Variants in PCDH15 observed in about 807,000 individuals in gnomAD.
PCDH15 encodes protocadherin-15.
PCDH15 carries 129 observed loss-of-function variants against 178.5 expected under a neutral mutation model. That is an observed-to-expected ratio of 0.72 (90% CI 0.63 to 0.84). The LOEUF (loss-of-function observed/expected upper bound fraction) is 0.84, where lower values mean the gene tolerates loss of function less well. PCDH15 is among the 40% of genes least tolerant of loss of function. The probability of loss-of-function intolerance (pLI) is 0.00; values close to 1 mark genes in which losing one functional copy is unlikely to be tolerated. For synonymous variants in PCDH15, 800 were observed against 732.0 expected (o/e 1.09, Z -1.50); for missense variants, 2,230 against 2,099.9 (o/e 1.06, Z -1.21).
intron 2 of PCDH15, among the ~76,000 whole-genome samples, chr10:55,139,331 T>G (rs1018654769): frequency 1.1e-4 from 17 of 152,020 alleles, no homozygotes; most frequent in Non-Finnish European, 2.5e-4. Flanking sequence ...ATTGTGCCTT[T>G]GGTGGCAAAT....
intron 1 of PCDH15, among the ~76,000 whole-genome samples, chr10:54,757,809 C>T (rs777869457): frequency 1.3e-5 from 2 of 152,198 alleles, no homozygotes; most frequent in South Asian, 4.1e-4. Context: ...TGTCAGCAGC[C>T]TTAATATATA....
At chr10:55,463,989 AAGAGAAAG>A (rs1374327967) in intron 2 of PCDH15, among the ~76,000 whole-genome samples, 525 of 17,254 alleles carry the variant, frequency 0.03, 78 homozygotes, top group African/African-American at 0.13. Flanking sequence ...GAAAGAAAGA[AAGAGAAAG>A]AAAGAAAGAA....
chr10:55,525,320 T>A (rs916786107), intron 2 of PCDH15, among the ~76,000 whole-genome samples: 1 of 151,886 alleles, frequency 6.6e-6, no homozygotes, highest in Non-Finnish European at 1.5e-5. Flanking sequence ...TAAAAACTGC[T>A]ACAACCATCC....
At chr10:53,902,533 C>A (rs1044296248) in intron 26 of PCDH15, among the ~76,000 whole-genome samples, 6 of 152,084 alleles carry the variant, frequency 3.9e-5, no homozygotes, top group African/African-American at 7.2e-5. Flanking sequence ...AGCATCTAAA[C>A]TTTTTCCTCA....
chr10:54,577,246 C>CT (rs1291793070), intron 2 of PCDH15, among the ~76,000 whole-genome samples: 5 of 53,312 alleles, frequency 9.4e-5, no homozygotes, highest in African/African-American at 2.8e-4. Flanking sequence ...CCACGCCCAG[C>CT]TAATTTTTTT....
intron 26 of PCDH15, among the ~76,000 whole-genome samples, chr10:53,887,846 G>A (rs1008407070): frequency 5.3e-5 from 8 of 152,100 alleles, no homozygotes; most frequent in East Asian, 3.9e-4. Context: ...CCAAGATCGC[G>A]CCACCGCACT....
At chr10:55,238,026 C>T (rs1396444311) in intron 1 of PCDH15, among the ~76,000 whole-genome samples, 1 of 151,878 alleles carries the variant, frequency 6.6e-6, no homozygotes, top group Non-Finnish European at 1.5e-5. Context: ...AATACACAAC[C>T]TGCAGTGTGT....
chr10:54,961,879 G>A (rs1055913144), intron 2 of PCDH15, among the ~76,000 whole-genome samples: 1 of 152,176 alleles, frequency 6.6e-6, no homozygotes, highest in African/African-American at 2.4e-5. Flanking sequence ...CTCACTTCGG[G>A]TCTTCTCTAC....
intron 26 of PCDH15, among the ~76,000 whole-genome samples, chr10:53,879,158 T>C (rs2080505169): frequency 6.6e-6 from 1 of 152,142 alleles, no homozygotes; most frequent in Non-Finnish European, 1.5e-5. Context: ...TTCTGCATCG[T>C]GTCACTGGCT....
intron 5 of PCDH15, among the ~76,000 whole-genome samples, chr10:54,354,234 C>T (rs1944614831): frequency 6.6e-6 from 1 of 152,154 alleles, no homozygotes; most frequent in Admixed American, 6.6e-5. Flanking sequence ...ATCCGCCTGC[C>T]TCGGCCTTCC....
At chr10:53,810,766 C>CAGAT in intron 36 of PCDH15, 102 bp from the exon 37 acceptor site, 1 of 1,051,292 alleles carries the variant, frequency 9.5e-7, no homozygotes, top group East Asian at 2.4e-5. Context: ...ATTCAATCGA[C>CAGAT]AGATATTTAC....
intron 2 of PCDH15, among the ~76,000 whole-genome samples, chr10:54,988,546 C>G (rs936196638): frequency 6.6e-6 from 1 of 152,160 alleles, no homozygotes; most frequent in African/African-American, 2.4e-5. Context: ...TTTCTGGGAA[C>G]TGGAGCAAAG....
At chr10:55,084,930 T>C (rs1490992235) in intron 2 of PCDH15, among the ~76,000 whole-genome samples, 2 of 151,882 alleles carry the variant, frequency 1.3e-5, no homozygotes, top group African/African-American at 2.4e-5. Context: ...CAATAACAAA[T>C]GCAGATGAGG....
At chr10:54,981,727 AGTTT>A (rs1307128602) in intron 2 of PCDH15, among the ~76,000 whole-genome samples, 1 of 152,038 alleles carries the variant, frequency 6.6e-6, no homozygotes, top group East Asian at 1.9e-4. Flanking sequence ...CAAGCTTCAG[AGTTT>A]GTTTGTTTAC....
intron 2 of PCDH15, among the ~76,000 whole-genome samples, chr10:55,092,316 C>A (rs1175843112): frequency 1.3e-5 from 2 of 151,790 alleles, no homozygotes; most frequent in African/African-American, 4.8e-5. Flanking sequence ...AGCTATGTCT[C>A]CTCAGGTTCT....
chr10:53,806,859 T>G lies in PCDH15; in HGVS notation c.4943A>C (p.Asn1648Thr), dbSNP rs772607615. The G allele has an allele frequency of 3.7e-6, 6 of 1,613,902 alleles. No individual in the cohort carries two copies. In the South Asian group the frequency reaches 5.5e-5, roughly 15 times the overall value. The change falls in exon 38 of 38, where the codon AAT becomes ACT. Residue 1648 changes from asparagine to threonine, a missense_variant. By Grantham distance (65) the Asn-to-Thr change is moderately conservative (BLOSUM62 0). Coordinates refer to ENST00000644397, the MANE Select transcript of PCDH15 (RefSeq NM_001384140.1). ...LDKLAVTHEE[N>T]VPLNTLSKGP... ...CTTTGATAATGTGTTCAGAGGTACA[T>G]TCTCCTCATGTGTCACTGCCAACTT...
chr10:54,022,409 A>C (rs965808551), intron 19 of PCDH15, among the ~76,000 whole-genome samples: 2 of 152,072 alleles, frequency 1.3e-5, no homozygotes, highest in African/African-American at 4.8e-5. Context: ...GTAACTCTCT[A>C]TATTTTTTCT....
chr10:54,835,724 G>T (rs1953304966), intron 3 of PCDH15, among the ~76,000 whole-genome samples: 1 of 151,904 alleles, frequency 6.6e-6, no homozygotes, highest in Admixed American at 6.6e-5. Context: ...AGCATTCAGA[G>T]GAAATTCATC....
At chr10:55,000,347 T>C (rs1839769905) in intron 2 of PCDH15, among the ~76,000 whole-genome samples, 1 of 152,206 alleles carries the variant, frequency 6.6e-6, no homozygotes, top group Non-Finnish European at 1.5e-5. Context: ...CATTTGCTTT[T>C]GAAAGAAGAG....
Sources: gnomAD v4.1 joint callset for allele counts (sites outside exome capture counted in the v4.1 genomes callset) on GRCh38, gnomAD v4.1.1 for gene constraint, MANE v1.5 for transcripts, NCBI Gene and HGNC (gene_info 2026-07-23, HGNC 2026-07-21) for gene names.